The following RABGAP1L variants were observed in gnomAD, a reference collection of about 807,000 sequenced individuals.
The protein encoded by RABGAP1L is RAB GTPase activating protein 1 like.
RABGAP1L carries 63 observed loss-of-function variants against 137.7 expected under a neutral mutation model. The ratio of observed to expected loss-of-function variants is 0.46; its 90% CI spans 0.37 to 0.56. The LOEUF (loss-of-function observed/expected upper bound fraction) is 0.56. RABGAP1L is among the 20% of genes least tolerant of loss of function. The pLI is 0.00. For synonymous variants in RABGAP1L, 431 were observed against 433.7 expected (o/e 0.99, Z 0.08); for missense variants, 1,095 against 1,244.0 (o/e 0.88, Z 1.80).
At chr1:174,270,991 A>G (rs568679677) in intron 7 of RABGAP1L, among the ~76,000 whole-genome samples, 9 of 152,172 alleles carry the variant, frequency 5.9e-5, no homozygotes, top group Non-Finnish European at 1.3e-4. Context: ...GGGCAGTAGT[A>G]TAAGAAATAG....
At chr1:174,258,475 A>T (rs1252013709) in intron 7 of RABGAP1L, among the ~76,000 whole-genome samples, 1 of 151,970 alleles carries the variant, frequency 6.6e-6, no homozygotes, top group Non-Finnish European at 1.5e-5. Flanking sequence ...TTTTGGAGAG[A>T]TGGGGGTCTC....
intron 18 of RABGAP1L, among the ~76,000 whole-genome samples, chr1:174,760,322 C>T (rs1558052213): frequency 6.6e-6 from 1 of 152,064 alleles, no homozygotes; most frequent in Non-Finnish European, 1.5e-5. Flanking sequence ...GTTTTTGGAT[C>T]CTCACCCTCC....
At chr1:174,302,680 T>G (rs1677832941) in intron 10 of RABGAP1L, among the ~76,000 whole-genome samples, 1 of 152,220 alleles carries the variant, frequency 6.6e-6, no homozygotes, top group Non-Finnish European at 1.5e-5. Flanking sequence ...GACTTGACTT[T>G]CGATACAGGG....
chr1:174,588,673 T>C (rs1468321096), intron 13 of RABGAP1L, among the ~76,000 whole-genome samples: 1 of 152,182 alleles, frequency 6.6e-6, no homozygotes, highest in Non-Finnish European at 1.5e-5. Context: ...TTGTTTTGTT[T>C]TTTTAGCTCC....
chr1:174,624,710 G>C (rs921957559), intron 13 of RABGAP1L, among the ~76,000 whole-genome samples: 7 of 152,074 alleles, frequency 4.6e-5, no homozygotes, highest in Non-Finnish European at 1.0e-4. Flanking sequence ...AAAATGGTAA[G>C]AGAAGTATTG....
intron 13 of RABGAP1L, chr1:174,548,549 T>C: frequency 1.0e-6 from 1 of 975,838 alleles, no homozygotes; most frequent in Non-Finnish European, 1.2e-6. Context: ...AACAGTAAAA[T>C]CACTATTTTT....
rs1194884287 is a variant in RABGAP1L, at chr1:174,671,508, A to C, written c.1825-12014A>C. ...CTTTTACATCTAATTTGAGAGTTTT[A>C]AATCATGAAGTGATGTGGAATTTTG... On this transcript the variant is annotated intron_variant, in intron 14 of 25. Transcript: ENST00000681986. Among the ~76,000 whole-genome samples, 4 of 152,186 alleles carry C rather than the reference A, an allele frequency of 2.6e-5. No homozygotes were observed. The East Asian group carries it at 7.7e-4, about 29-fold the overall frequency.
At chr1:174,487,527 G>A (rs895131418) in intron 13 of RABGAP1L, among the ~76,000 whole-genome samples, 2 of 152,094 alleles carry the variant, frequency 1.3e-5, no homozygotes, top group Non-Finnish European at 2.9e-5. Flanking sequence ...TTTAGGTAAA[G>A]TGTTTTTCTT....
At chr1:174,770,238 A>G (rs745377239) in intron 18 of RABGAP1L, among the ~76,000 whole-genome samples, 98 of 152,166 alleles carry the variant, frequency 6.4e-4, no homozygotes, top group Non-Finnish European at 1.4e-3. Context: ...GTGCATCTTC[A>G]GTTTGATGAT....
Position 174,511,522 on chromosome 1 carries a change from G to T in RABGAP1L, c.1710+117377G>T, listed in dbSNP as rs186040316. ...TTCATGACTACTGGAGTAATTGTAG[G>T]TATACTGAGCATGCTTCTTTCATTT... On this transcript the variant is annotated intron_variant, in intron 13 of 25. Transcript: ENST00000681986. Among the ~76,000 whole-genome samples the T allele has an allele frequency of 1.3e-3, 198 of 151,958 alleles. 1 individual carries two copies. Among genetic ancestry groups the T allele is most frequent in the African/African-American group, 4.4e-3 (184 of 41,464 alleles).
chr1:174,336,171 G>GGT (rs996504205), intron 11 of RABGAP1L, among the ~76,000 whole-genome samples: 3 of 152,166 alleles, frequency 2.0e-5, no homozygotes, highest in Non-Finnish European at 4.4e-5. Flanking sequence ...GGAATGCAGT[G>GGT]GTGTGATCAT....
chr1:174,590,350 T>TA lies in RABGAP1L; in HGVS notation c.1711-47025_1711-47024insA, dbSNP rs1308226260. 7.4e-4 allele frequency among the ~76,000 whole-genome samples: 100 copies of TA among 134,360 alleles called. 1 individual carries two copies. Among genetic ancestry groups the TA allele is most frequent in the African/African-American group, 2.5e-3 (94 of 37,206 alleles). 88.1% of individuals were successfully genotyped at this position (134,360 alleles called of 152,430 possible). A position where few individuals can be genotyped will look rare whatever the true frequency, so the allele number is the denominator to read the frequency against. On this transcript the variant is annotated intron_variant, in intron 13 of 25. Coordinates refer to ENST00000681986, the MANE Select transcript of RABGAP1L (RefSeq NM_001366446.1). ...TGTTTTTTTTTCTTTTTTTTTTTAT[T>TA]TATTTTTTTTTTATTATACTCTAAG...
At chr1:174,636,428 T>A (rs747049182) in intron 13 of RABGAP1L, among the ~76,000 whole-genome samples, 22 of 151,618 alleles carry the variant, frequency 1.5e-4, no homozygotes, top group Admixed American at 6.6e-4. Flanking sequence ...CTTGGGAGGC[T>A]GAGGCAGGAG....
chr1:174,203,937 GAT>G (rs1491521425), intron 1 of RABGAP1L, among the ~76,000 whole-genome samples: 1 of 119,002 alleles, frequency 8.4e-6, no homozygotes, highest in Non-Finnish European at 1.7e-5. Context: ...TTTGTACATT[GAT>G]TTTTTTTTTT....
intron 14 of RABGAP1L, among the ~76,000 whole-genome samples, chr1:174,654,159 G>A (rs1675784137): frequency 6.6e-6 from 1 of 152,166 alleles, no homozygotes; most frequent in African/African-American, 2.4e-5. Flanking sequence ...TTACTAATTA[G>A]GTCCCATTTC....
intron 17 of RABGAP1L, among the ~76,000 whole-genome samples, chr1:174,748,186 T>G (rs1169482028): frequency 1.3e-5 from 2 of 152,180 alleles, no homozygotes; most frequent in Non-Finnish European, 2.9e-5. Flanking sequence ...TTGTTTGATT[T>G]TGAGATAATT....
intron 14 of RABGAP1L, among the ~76,000 whole-genome samples, chr1:174,647,115 A>G (rs986405230): frequency 3.1e-4 from 47 of 152,114 alleles, no homozygotes; most frequent in African/African-American, 1.1e-3. Context: ...GGGCTGAGAC[A>G]GTGGGGTTTT....
At chr1:174,629,276 T>C (rs1385930880) in intron 13 of RABGAP1L, among the ~76,000 whole-genome samples, 1 of 152,208 alleles carries the variant, frequency 6.6e-6, no homozygotes, top group Admixed American at 6.5e-5. Context: ...AAAAACACAA[T>C]TATTTTCTTT....
intron 19 of RABGAP1L, among the ~76,000 whole-genome samples, chr1:174,885,160 C>A (rs1231461458): frequency 1.3e-5 from 2 of 152,130 alleles, no homozygotes; most frequent in Non-Finnish European, 2.9e-5. Context: ...CTAAAGTAAA[C>A]CTATCTTTAA....
Sources: allele counts gnomAD v4.1 joint callset (sites outside exome capture counted in the v4.1 genomes callset), GRCh38; gene constraint gnomAD v4.1.1; transcripts MANE v1.5; gene names NCBI Gene and HGNC (gene_info 2026-07-23, HGNC 2026-07-21).